RPS6KA2: variants seen among roughly 807,000 people sequenced by gnomAD.
The protein encoded by RPS6KA2 is ribosomal protein S6 kinase alpha-2.
RPS6KA2 carries 42 observed loss-of-function variants against 91.8 expected under a neutral mutation model. That is an observed-to-expected ratio of 0.46 (90% CI 0.36 to 0.59). RPS6KA2 has a LOEUF of 0.59. Ranked by LOEUF, RPS6KA2 falls within the 20% of genes least tolerant of loss-of-function variation. The pLI is 0.00. For missense variants in RPS6KA2, 798 were observed against 978.5 expected (o/e 0.82, Z 2.46); for synonymous variants, 414 against 393.6 (o/e 1.05, Z -0.61).
chr6:166,835,510 G>T (rs752599420), intron 2 of RPS6KA2, among the ~76,000 whole-genome samples: 1 of 152,120 alleles, frequency 6.6e-6, no homozygotes, highest in Non-Finnish European at 1.5e-5. Context: ...GTAATATTGG[G>T]ATCCTACTGT....
intron 2 of RPS6KA2, among the ~76,000 whole-genome samples, chr6:166,829,626 ATGGTC>A (rs1562461021): frequency 1.3e-5 from 2 of 149,850 alleles, no homozygotes; most frequent in African/African-American, 5.0e-5. Flanking sequence ...AAATTATTAT[ATGGTC>A]CATCAATTCC....
In RPS6KA2 at chr6:166,538,781, C is replaced by T; in HGVS notation, c.103G>A (p.Glu35Lys). 1 of 1,548,584 alleles carries T rather than the reference C, an allele frequency of 6.5e-7. No individual in the cohort carries two copies. Among genetic ancestry groups the T allele is most frequent in the African/African-American group, 1.3e-5 (1 of 74,084 alleles). ...ATGTCTATCTCCTTCACGACGCCTT[C>T]TTCCTGCAAGAGAGCGGCACGGGTG... is the stretch of plus-strand genomic sequence containing the variant. The part of the protein sequence containing the change: ...KSSSLSRLEE[E>K]GVVKEIDISH... The change falls in exon 2 of 21, where the codon GAA becomes AAA. Residue 35 changes from glutamate to lysine, a missense_variant. Physicochemically the swap from Glu to Lys is moderately conservative, Grantham distance 56 (BLOSUM62 1). Transcript: ENST00000265678.
intron 2 of RPS6KA2, among the ~76,000 whole-genome samples, chr6:166,782,668 G>A (rs1178385368): frequency 1.3e-5 from 2 of 152,146 alleles, no homozygotes; most frequent in African/African-American, 4.8e-5. Flanking sequence ...CATCTTAGAG[G>A]CAGATGGCTA....
intron 2 of RPS6KA2, among the ~76,000 whole-genome samples, chr6:166,765,364 G>A (rs569493406): frequency 2.6e-5 from 4 of 152,300 alleles, no homozygotes; most frequent in South Asian, 2.1e-4. Flanking sequence ...CCACGGCCAC[G>A]AGCACAGCCA....
At chr6:166,424,090 A>G (rs1778827023) in intron 16 of RPS6KA2, 1 of 152,334 alleles carries the variant, frequency 6.6e-6, no homozygotes, top group African/African-American at 2.4e-5. Context: ...GCCTTTGTAC[A>G]GCTTGGATCC....
At chr6:166,739,550 C>T (rs1425509018) in intron 2 of RPS6KA2, among the ~76,000 whole-genome samples, 1 of 152,190 alleles carries the variant, frequency 6.6e-6, no homozygotes, top group Admixed American at 6.5e-5. Flanking sequence ...AGCTTTTGCT[C>T]AGTGTCTAAG....
intron 2 of RPS6KA2, among the ~76,000 whole-genome samples, chr6:166,783,057 T>G (rs1216017918): frequency 0.048 from 366 of 7,616 alleles, 4 homozygotes; most frequent in African/African-American, 0.075. Flanking sequence ...GGTATTATTA[T>G]TATTATTATT....
intron 2 of RPS6KA2, among the ~76,000 whole-genome samples, chr6:166,747,152 T>C (rs1301203890): frequency 6.6e-6 from 1 of 152,144 alleles, no homozygotes; most frequent in Non-Finnish European, 1.5e-5. Flanking sequence ...CCCTCTCCTC[T>C]TCCTGGGGGT....
At chr6:166,546,484 T>G (rs1783832406) in intron 1 of RPS6KA2, among the ~76,000 whole-genome samples, 1 of 56,450 alleles carries the variant, frequency 1.8e-5, no homozygotes, top group Admixed American at 1.8e-4. Context: ...TGGGAAAACT[T>G]TTTTTTTTTT....
chr6:166,776,495 T>C (rs375708147), intron 2 of RPS6KA2, among the ~76,000 whole-genome samples: 2 of 152,326 alleles, frequency 1.3e-5, no homozygotes, highest in South Asian at 2.1e-4. Context: ...TGGCGTTTAG[T>C]GCATTCACAC....
At chr6:166,664,695 T>C (rs1456380808) in intron 2 of RPS6KA2, among the ~76,000 whole-genome samples, 1 of 152,254 alleles carries the variant, frequency 6.6e-6, no homozygotes, top group Non-Finnish European at 1.5e-5. Flanking sequence ...GACTGTTTTT[T>C]AGTTACAAAA....
chr6:166,488,244 C>T (rs955163693), intron 10 of RPS6KA2, among the ~76,000 whole-genome samples: 5 of 150,792 alleles, frequency 3.3e-5, no homozygotes, highest in African/African-American at 1.2e-4. Flanking sequence ...ACCGAAAACA[C>T]CCTGCTCCAG....
Position 166,538,785 on chromosome 6 carries a change from C to T in RPS6KA2, c.100-1G>A, listed in dbSNP as rs760088279. 1 of 1,528,142 alleles carries T rather than the reference C, an allele frequency of 6.5e-7. No individual in the cohort carries two copies. The highest frequency in any genetic ancestry group is 1.7e-5 in the Admixed American group (1 of 59,770). 94.7% of individuals were successfully genotyped at this position (1,528,142 alleles called of 1,614,324 possible). ...CTATCTCCTTCACGACGCCTTCTTC[C>T]TGCAAGAGAGCGGCACGGGTGAGAA... On this transcript the variant is annotated splice_acceptor_variant, in intron 1 of 20. Coordinates refer to ENST00000265678, the MANE Select transcript of RPS6KA2 (RefSeq NM_021135.6). LOFTEE classifies it high-confidence loss of function.
At chr6:166,855,778 A>C (rs1780883437) in intron 2 of RPS6KA2, among the ~76,000 whole-genome samples, 1 of 152,226 alleles carries the variant, frequency 6.6e-6, no homozygotes, top group South Asian at 2.1e-4. Flanking sequence ...GTATTTTCTC[A>C]TTCTTCCCAC....
chr6:166,450,355 C>T (rs1291710089), intron 13 of RPS6KA2, among the ~76,000 whole-genome samples: 2 of 146,666 alleles, frequency 1.4e-5, no homozygotes, highest in Non-Finnish European at 3.0e-5. Context: ...GGGAGGCCAC[C>T]CTAGGCACCA....
chr6:166,808,112 T>C (rs748383128), intron 2 of RPS6KA2, among the ~76,000 whole-genome samples: 4 of 152,086 alleles, frequency 2.6e-5, no homozygotes, highest in Admixed American at 6.5e-5. Context: ...TGCAACACCA[T>C]GTTCACAACA....
In RPS6KA2 at chr6:166,418,207, G is replaced by A. The variant is rs113523377; in HGVS notation, c.1938+18C>T. ...CAGAATCTGAATATTTAAAAGCAAC[G>A]CTGGGACATGTACTCACTTTAGCTG... is the stretch of plus-strand genomic sequence containing the variant. On this transcript the variant is annotated intron_variant, in intron 19 of 20. Transcript: ENST00000265678. This position sits in a 1 kb window ranked among gnomAD's most constrained non-coding sequence, Gnocchi z 4.9. 25 of 1,498,334 alleles carry A rather than the reference G, an allele frequency of 1.7e-5. No individual in the cohort carries two copies. Among genetic ancestry groups the A allele is most frequent in the Middle Eastern group, 1.7e-4 (1 of 5,856 alleles). 92.8% of individuals were successfully genotyped at this position (1,498,334 alleles called of 1,614,324 possible).
chr6:166,628,009 G>A (rs1030461831), upstream of RPS6KA2: 3 of 152,030 alleles, frequency 2.0e-5, no homozygotes, highest in South Asian at 2.1e-4. Flanking sequence ...GCAGCCCTCG[G>A]GGCGCCTCCC....
intron 19 of RPS6KA2, among the ~76,000 whole-genome samples, chr6:166,417,133 C>T (rs572808818): frequency 2.5e-4 from 38 of 152,240 alleles, no homozygotes; most frequent in African/African-American, 7.5e-4. Context: ...GAAATAAGGC[C>T]GGTCATAAAC....
Sources: gnomAD v4.1 joint callset for allele counts (sites outside exome capture counted in the v4.1 genomes callset) on GRCh38, gnomAD v4.1.1 for gene constraint, Gnocchi (gnomAD v3.1) non-coding constraint, MANE v1.5 for transcripts, NCBI Gene and HGNC (gene_info 2026-07-23, HGNC 2026-07-21) for gene names.